Variants in PRKACA observed in about 807,000 individuals in gnomAD.
PRKACA encodes the protein protein kinase cAMP-activated catalytic subunit alpha.
A neutral mutation model predicts 45.8 loss-of-function variants in PRKACA; 9 were observed. The observed-to-expected ratio is 0.20, with a 90% CI of 0.12 to 0.34. The LOEUF (loss-of-function observed/expected upper bound fraction) is 0.34, where lower values mean the gene tolerates loss of function less well. Among genes scored for constraint, PRKACA ranks in the 10% least tolerant of loss-of-function variants. The pLI is 1.00. For synonymous variants in PRKACA, 160 were observed against 178.6 expected (o/e 0.90, Z 0.83); for missense variants, 238 against 458.6 (o/e 0.52, Z 4.39).
chr19:14,097,925 G>A lies in PRKACA; in HGVS notation c.420-35C>T. 6.2e-7 allele frequency: 1 copy of A among 1,612,354 alleles called. No individual in the cohort carries two copies. Among genetic ancestry groups the A allele is most frequent in the Non-Finnish European group, 8.5e-7 (1 of 1,178,782 alleles). ...ACAAATGGGGAGGTGAACGTCAGTG[G>A]TCATGCCCCAAAATGGTCCAGCAGG... On this transcript the variant is annotated intron_variant, in intron 5 of 9. Coordinates refer to ENST00000308677, the MANE Select transcript of PRKACA (RefSeq NM_002730.4). This position sits in a 1 kb window ranked among gnomAD's most constrained non-coding sequence, Gnocchi z 5.4.
intron 1 of PRKACA, among the ~76,000 whole-genome samples, chr19:14,113,404 G>T (rs1204884496): frequency 1.3e-5 from 2 of 152,106 alleles, no homozygotes; most frequent in Non-Finnish European, 2.9e-5. Flanking sequence ...TCTCCCACAC[G>T]GGGGGTGCCA....
chr19:14,102,050 G>A (rs187043529), intron 4 of PRKACA, among the ~76,000 whole-genome samples: 75 of 151,858 alleles, frequency 4.9e-4, no homozygotes, highest in African/African-American at 1.7e-3. Context: ...TGTAATCCCC[G>A]CTACTCAGGA....
chr19:14,093,042 A>AGGCC lies in PRKACA; in HGVS notation c.*69_*70insGGCC. 3.3e-5 allele frequency: 6 copies of AGGCC among 179,796 alleles called. No homozygotes were observed. The highest frequency in any genetic ancestry group is 5.0e-5 in the African/African-American group (1 of 20,118). 11.1% of individuals were successfully genotyped at this position (179,796 alleles called of 1,614,324 possible). ...TGGGGCCCTCTGGCTGTTCAATCCA[A>AGGCC]CCCTCCCACCCCCCCGACCAAAAAA... is the stretch of plus-strand genomic sequence containing the variant. On this transcript the variant is annotated 3_prime_UTR_variant, in exon 10 of 10. Transcript: ENST00000308677.
chr19:14,104,709 A>G (rs1182638866), intron 3 of PRKACA, among the ~76,000 whole-genome samples: 1 of 151,080 alleles, frequency 6.6e-6, no homozygotes, highest in Admixed American at 6.6e-5. Flanking sequence ...AAAAAAAAAA[A>G]AAAAAATTAA....
intron 5 of PRKACA, among the ~76,000 whole-genome samples, chr19:14,099,383 G>C (rs550947535): frequency 4.0e-5 from 6 of 151,240 alleles, no homozygotes; most frequent in African/African-American, 1.5e-4. Flanking sequence ...CTTTCAGCAG[G>C]GTCTGACTGG....
intron 1 of PRKACA, among the ~76,000 whole-genome samples, 185 bp downstream of exon 1, chr19:14,117,317 G>A (rs1285058577): frequency 6.6e-6 from 1 of 151,764 alleles, no homozygotes; most frequent in Non-Finnish European, 1.5e-5. Flanking sequence ...CCTAGGGGAA[G>A]GGGACCCCTA....
chr19:14,117,206 T>G (rs1599353503), intron 1 of PRKACA, among the ~76,000 whole-genome samples: 9 of 125,814 alleles, frequency 7.2e-5, no homozygotes, highest in South Asian at 2.8e-4. Context: ...AAGGAGGGGG[T>G]AGGCTGGTGA....
chr19:14,104,163 C>A (rs1205039804), intron 3 of PRKACA, among the ~76,000 whole-genome samples: 1 of 150,744 alleles, frequency 6.6e-6, no homozygotes, highest in Non-Finnish European at 1.5e-5. Context: ...TGGTGAAACC[C>A]CGTCTCTACT....
At chr19:14,094,604 A>C (rs1977190602) in intron 8 of PRKACA, among the ~76,000 whole-genome samples, 1 of 152,172 alleles carries the variant, frequency 6.6e-6, no homozygotes, top group South Asian at 2.1e-4. Context: ...AGAGAAGGGG[A>C]AACTGAGGCT....
At chr19:14,114,124 T>C in intron 1 of PRKACA, 1 of 1,610,416 alleles carries the variant, frequency 6.2e-7, no homozygotes, top group Non-Finnish European at 8.5e-7. Flanking sequence ...GTAACAGGAC[T>C]CAGCCTCACC....
At chr19:14,101,816 G>A (rs950074466) in intron 4 of PRKACA, among the ~76,000 whole-genome samples, 11 of 151,442 alleles carry the variant, frequency 7.3e-5, no homozygotes, top group Admixed American at 6.6e-4. Context: ...AGCTGAGATC[G>A]CATCATTGCA....
Position 14,107,891 on chromosome 19 carries a change from C to T in PRKACA, c.47-482G>A, listed in dbSNP as rs41296250. The T allele has an allele frequency of 8.4e-4, 832 of 989,114 alleles. 8 individuals carry two copies. The African/African-American group carries it at 0.014, about 16-fold the overall frequency. The allele number at this position is 989,114 out of a possible 1,614,324, so 61.3% of individuals were successfully genotyped here. A position where few individuals can be genotyped will look rare whatever the true frequency, so the allele number is the denominator to read the frequency against. Reference sequence around the variant, plus strand: ...GCCCCCAGCTGGCCCTGTTCCTCTCCGTGGCAATCGCAAGGGCATTGCTCC... The same window carrying T: ...GCCCCCAGCTGGCCCTGTTCCTCTCTGTGGCAATCGCAAGGGCATTGCTCC... On this transcript the variant is annotated intron_variant, in intron 1 of 9. Coordinates refer to ENST00000308677, the MANE Select transcript of PRKACA (RefSeq NM_002730.4).
rs1179838766 is a variant in PRKACA at position 14,107,426 on chromosome 19, G to A, written c.47-17C>T. 5 of 1,612,130 alleles carry A rather than the reference G, an allele frequency of 3.1e-6. No individual in the cohort carries two copies. Among genetic ancestry groups the A allele is most frequent in the Non-Finnish European group, 3.4e-6 (4 of 1,178,306 alleles). On this transcript the variant is annotated splice_polypyrimidine_tract_variant and intron_variant, in intron 1 of 9. Transcript: ENST00000308677. Reference sequence around the variant, plus strand: ...ATTCTTTCACTGAAAGGGAGAGAGGGGAGAGTTATACAGAGACGCCCGTCT... The same window carrying A: ...ATTCTTTCACTGAAAGGGAGAGAGGAGAGAGTTATACAGAGACGCCCGTCT...
At chr19:14,111,381 G>C (rs1321697718) in intron 1 of PRKACA, among the ~76,000 whole-genome samples, 1 of 151,088 alleles carries the variant, frequency 6.6e-6, no homozygotes, top group African/African-American at 2.4e-5. Context: ...TGGACAACAA[G>C]AGTGAAACTC....
intron 5 of PRKACA, chr19:14,098,255 A>C: frequency 5.7e-6 from 1 of 174,512 alleles, no homozygotes; most frequent in Non-Finnish European, 1.2e-5. Context: ...AGACAAAACA[A>C]AGGCACGGTG....
chr19:14,106,685 G>A, intron 3 of PRKACA, 75 bp downstream of exon 3: 4 of 1,584,878 alleles, frequency 2.5e-6, no homozygotes, highest in Admixed American at 1.7e-5. Context: ...CGGGTGGATA[G>A]GGCACTCTAA....
chr19:14,099,058 G>C (rs1001013911), intron 5 of PRKACA, among the ~76,000 whole-genome samples: 7 of 147,728 alleles, frequency 4.7e-5, no homozygotes, highest in South Asian at 2.1e-4. Flanking sequence ...AGGCCAAGGC[G>C]GGGGGGGCGG....
At chr19:14,093,347 T>C in intron 9 of PRKACA, 110 bp from the exon 10 acceptor site, 2 of 1,400,798 alleles carry the variant, frequency 1.4e-6, no homozygotes, top group African/African-American at 1.4e-5. Flanking sequence ...GACTCAGGCC[T>C]GTGCTTACCA....
Position 14,106,799 on chromosome 19 carries a change from G to A in PRKACA, c.198C>T (p.Thr66=), listed in dbSNP as rs768020526. The A allele has an allele frequency of 8.1e-6, 13 of 1,612,896 alleles. No individual in the cohort carries two copies. The highest frequency in any genetic ancestry group is 1.7e-4 in the Middle Eastern group (1 of 6,018). Residue 66 remains threonine, a synonymous_variant, in exon 3 of 10, where the codon ACC becomes ACT. Coordinates refer to ENST00000308677, the MANE Select transcript of PRKACA (RefSeq NM_002730.4). ...GGATCTTCATGGCATAGTGGTTCCC[G>A]GTCTCCTTGTGTTTCACCAGCATCA... is the stretch of plus-strand genomic sequence containing the variant. ...GRVMLVKHKE[T]GNHYAMKILD... is the part of the protein sequence containing the mutation.
Sources: gnomAD v4.1 joint callset for allele counts (sites outside exome capture counted in the v4.1 genomes callset) on GRCh38, gnomAD v4.1.1 for gene constraint, Gnocchi (gnomAD v3.1) non-coding constraint, MANE v1.5 for transcripts, NCBI Gene and HGNC (gene_info 2026-07-23, HGNC 2026-07-21) for gene names.